The following ARHGAP9 variants were observed in gnomAD, a reference collection of about 807,000 sequenced individuals.
ARHGAP9 encodes the protein Rho GTPase activating protein 9.
A neutral mutation model predicts 87.3 loss-of-function variants in ARHGAP9; 76 were observed. The observed-to-expected ratio is 0.87, with a 90% confidence interval of 0.72 to 1.05. ARHGAP9 has a LOEUF of 1.05. Among genes scored for constraint, ARHGAP9 ranks in the 50% least tolerant of loss-of-function variants. ARHGAP9 has a pLI of 0.00. For synonymous variants in ARHGAP9, 382 were observed against 394.9 expected (o/e 0.97, Z 0.39); for missense variants, 941 against 960.5 (o/e 0.98, Z 0.27).
intron 3 of ARHGAP9, chr12:57,478,163 T>C: frequency 6.5e-6 from 2 of 309,082 alleles, no homozygotes; most frequent in Non-Finnish European, 1.2e-5. Context: ...AGAAAAACCC[T>C]GCCCTGGGCT....
At chr12:57,484,427 C>T (rs988127512), upstream of ARHGAP9, among the ~76,000 whole-genome samples, 1 of 151,896 alleles carries the variant, frequency 6.6e-6, no homozygotes, top group Non-Finnish European at 1.5e-5. Context: ...TTTGCCTCCT[C>T]TATCATAACT....
At chr12:57,474,338 C>T in intron 15 of ARHGAP9, 85 bp downstream of exon 15, 1 of 1,590,586 alleles carries the variant, frequency 6.3e-7, no homozygotes, top group Non-Finnish European at 8.6e-7. Flanking sequence ...ACAACCCTCC[C>T]AGGAATAGTA....
In ARHGAP9 at chr12:57,475,419, G is replaced by T. The variant is rs764185141; in HGVS notation, c.1445-21C>A. The T allele has an allele frequency of 2.5e-6, 4 of 1,582,706 alleles. No individual in the cohort carries two copies. In the African/African-American group the frequency reaches 4.0e-5, roughly 16 times the overall value. ...CCGAACTGCAGGAGGCAGGTAGAGC[G>T]GGGCGTGAGCGCCCGGGAGCCTCGC... On this transcript the variant is annotated intron_variant, in intron 11 of 17. Coordinates refer to ENST00000393791, the MANE Select transcript of ARHGAP9 (RefSeq NM_032496.4).
rs955603283 is a variant in ARHGAP9 at position 57,476,107 on chromosome 12, G to A, written c.1176C>T (p.His392=). ...TGCGGCGGCTGGACAGGTGGCGGCCGTGCGCCAGGGCCGCCCCGCGCAGGT... is the reference window on the plus strand; with the variant it reads ...TGCGGCGGCTGGACAGGTGGCGGCCATGCGCCAGGGCCGCCCCGCGCAGGT... ...SVDLRGAALA[H]GRHLSSRRNV... is the part of the protein sequence containing the mutation. The change falls in exon 9 of 18, where the codon CAC becomes CAT. Residue 392 remains histidine (H), a synonymous_variant. Transcript: ENST00000393791. 1.2e-5 allele frequency: 18 copies of A among 1,539,644 alleles called. No individual in the cohort carries two copies. Among genetic ancestry groups the A allele is most frequent in the Non-Finnish European group, 1.4e-5 (16 of 1,143,582 alleles).
intron 2 of ARHGAP9, 28 bp downstream of exon 2, chr12:57,479,063 G>GA (rs1284724861): frequency 5.0e-6 from 8 of 1,606,378 alleles, no homozygotes; most frequent in Non-Finnish European, 6.8e-6. Flanking sequence ...GTAGGAAGGT[G>GA]AAGGGAGAGG....
Position 57,473,632 on chromosome 12 carries a change from A to AGTG in ARHGAP9, c.1992_1994dup (p.Thr665dup), listed in dbSNP as rs775622338. ...ATAAATGCTCCAGGAGGTACCGTAG[A>AGTG]GTGTCATGGTTGGGCTTTGGCATTG... On this transcript the variant is annotated inframe_insertion, in exon 17 of 18. Coordinates refer to ENST00000393791, the MANE Select transcript of ARHGAP9 (RefSeq NM_032496.4). 1 of 1,613,874 alleles carries AGTG rather than the reference A, an allele frequency of 6.2e-7. No individual in the cohort carries two copies. Among genetic ancestry groups the AGTG allele is most frequent in the South Asian group, 1.1e-5 (1 of 91,076 alleles).
intron 1 of ARHGAP9, chr12:57,488,352 C>A: frequency 1.3e-6 from 1 of 754,146 alleles, no homozygotes; most frequent in East Asian, 2.7e-5. Context: ...CGCCTTCTTC[C>A]CTCCCAGTCA....
In ARHGAP9 at chr12:57,477,858, T is replaced by TC. The variant is rs1594787456; in HGVS notation, c.535-179dup. 5 of 1,431,092 alleles carry TC rather than the reference T, an allele frequency of 3.5e-6. No individual in the cohort carries two copies. In the East Asian group the frequency reaches 1.4e-4, roughly 39 times the overall value. The allele number at this position is 1,431,092 out of a possible 1,614,324, so 88.6% of individuals were successfully genotyped here. A position where few individuals can be genotyped will look rare whatever the true frequency, so the allele number is the denominator to read the frequency against. On this transcript the variant is annotated intron_variant, in intron 3 of 17. Coordinates refer to ENST00000393791, the MANE Select transcript of ARHGAP9 (RefSeq NM_032496.4). ...GGCCCCAGCTGCTTTTTAAAAATTC[T>TC]CTCTCTCACAGTTTTCTTTGCTCTT...
chr12:57,476,040 G>A, intron 9 of ARHGAP9, 31 bp downstream of exon 9: 1 of 1,511,070 alleles, frequency 6.6e-7, no homozygotes, highest in Non-Finnish European at 8.8e-7. Context: ...GGGTCGGGTG[G>A]GGCCTTGGGG....
chr12:57,487,030 G>T lies in ARHGAP9; in HGVS notation c.-204+1582C>A, dbSNP rs765987890. On this transcript the variant is annotated intron_variant, in intron 1 of 20. Coordinates refer to the ARHGAP9 transcript ENST00000393797. ...TTCCTCTTGTTGCCCAGGCTGGAGT[G>T]CAATGGCGCGGTCTCGGCTCACTGC... 9.0e-4 allele frequency among the ~76,000 whole-genome samples: 136 copies of T among 150,452 alleles called. 1 individual carries two copies. The highest frequency in any genetic ancestry group is 1.7e-3 in the Non-Finnish European group (112 of 67,688).
intron 1 of ARHGAP9, chr12:57,488,451 C>G (rs974404097): frequency 2.0e-6 from 2 of 1,001,270 alleles, no homozygotes; most frequent in East Asian, 5.2e-5. Context: ...CCCCGCCTCA[C>G]CCCAGTAAAC....
intron 3 of ARHGAP9, chr12:57,477,981 T>C (rs1874405104): frequency 8.2e-7 from 1 of 1,215,450 alleles, no homozygotes; most frequent in Non-Finnish European, 1.0e-6. Flanking sequence ...GTGGGGGGAA[T>C]GTTGAAGGGG....
At position 57,474,862 on chromosome 12, in the gene ARHGAP9, C is replaced by T. The variant is rs201097332; in HGVS notation, c.1651+13G>A. The T allele has an allele frequency of 2.7e-5, 44 of 1,614,080 alleles. No individual in the cohort carries two copies. The highest frequency in any genetic ancestry group is 3.3e-5 in the Admixed American group (2 of 60,020). ...CTGTTGGAAGAGGATTCTGGGGTCT[C>T]TGAGAAAATGACCTCTTTTATCCAC... On this transcript the variant is annotated intron_variant, in intron 13 of 17. Transcript: ENST00000393791.
chr12:57,475,802 G>A, intron 10 of ARHGAP9, 31 bp downstream of exon 10: 1 of 1,610,696 alleles, frequency 6.2e-7, no homozygotes, highest in Non-Finnish European at 8.5e-7. Context: ...CGGCCGGTCG[G>A]AGCCTCCCTC....
At position 57,486,236 on chromosome 12, in the gene ARHGAP9, T is replaced by C. The variant is rs540983694; in HGVS notation, c.-203-2273A>G. 6.6e-5 allele frequency among the ~76,000 whole-genome samples: 10 copies of C among 152,256 alleles called. No homozygotes were observed. In the East Asian group the frequency reaches 1.9e-3, roughly 29 times the overall value. On this transcript the variant is annotated intron_variant, in intron 1 of 20. Coordinates refer to the ARHGAP9 transcript ENST00000393797. ...CAGGTATGTGCTTCCTTGCATAATA[T>C]ATACTTATTGCCAAACTCTTAGCCA...
Position 57,475,578 on chromosome 12 carries a change from G to A in ARHGAP9, c.1349C>T (p.Ser450Phe). Reference protein sequence around the residue: ...ENPLELRLSGSGPAELSAGED... With the variant: ...ENPLELRLSGFGPAELSAGED... ...CCCGGCGCTCAGCTCCGCGGGTCCA[G>A]AGCCCGACAGACGCAGCTCCAGGGG... Residue 450 changes from serine to phenylalanine, a missense_variant, in exon 11 of 18, where the codon TCT (serine) becomes TTT (phenylalanine). Coordinates refer to ENST00000393791, the MANE Select transcript of ARHGAP9 (RefSeq NM_032496.4). 1 of 1,612,092 alleles carries A rather than the reference G, an allele frequency of 6.2e-7. No homozygotes were observed. The highest frequency in any genetic ancestry group is 1.1e-5 in the South Asian group (1 of 90,836).
At position 57,479,298 on chromosome 12, in the gene ARHGAP9, C is replaced by T. The variant is rs1326714807; in HGVS notation, c.109G>A (p.Gly37Arg). 4 of 1,614,220 alleles carry T rather than the reference C, an allele frequency of 2.5e-6. No homozygotes were observed. The Admixed American group carries it at 5.0e-5, about 20-fold the overall frequency. ...AGAGACACCTGCTGGCCATCTGCCC[C>T]AGTATAAGTAAAGGCATAGAGGGCA... ...LCALYAFTYTGADGQQVSLAE... is the reference protein window; with the variant it reads ...LCALYAFTYTRADGQQVSLAE... Residue 37 changes from glycine (G) to arginine (R), a missense_variant, in exon 2 of 18, where the codon GGG becomes AGG. Gly to Arg is a moderately radical substitution (Grantham distance 125, BLOSUM62 -2). Coordinates refer to ENST00000393791, the MANE Select transcript of ARHGAP9 (RefSeq NM_032496.4).
upstream of ARHGAP9, chr12:57,479,904 G>T: frequency 6.9e-7 from 1 of 1,446,508 alleles, no homozygotes; most frequent in Non-Finnish European, 9.1e-7. Context: ...TTAAATTTAT[G>T]CAAGCATCAA....
chr12:57,479,029 A>AGGGAGGTAGGAAGGTGAT (rs1369950145), intron 2 of ARHGAP9, 62 bp downstream of exon 2: 3 of 1,558,014 alleles, frequency 1.9e-6, no homozygotes, highest in Admixed American at 1.8e-5. Context: ...CCCAGAAGCC[A>AGGGAGGTAGGAAGGTGAT]GGGAGGTAGG....
Sources: allele counts gnomAD v4.1 joint callset (sites outside exome capture counted in the v4.1 genomes callset), GRCh38; gene constraint gnomAD v4.1.1; transcripts MANE v1.5; gene names NCBI Gene and HGNC (gene_info 2026-07-23, HGNC 2026-07-21).